The following TCOF1 variants were observed in gnomAD, a reference collection of about 807,000 sequenced individuals.
TCOF1 encodes the protein treacle ribosome biogenesis factor 1.
A neutral mutation model predicts 149.0 loss-of-function variants in TCOF1; 33 were observed. The ratio of observed to expected loss-of-function variants is 0.22; its 90% CI spans 0.17 to 0.30. The LOEUF (loss-of-function observed/expected upper bound fraction) is 0.30. Ranked by LOEUF, TCOF1 falls within the 10% of genes least tolerant of loss-of-function variation. TCOF1 has a pLI of 1.00. For synonymous variants in TCOF1, 789 were observed against 738.8 expected (o/e 1.07, Z -1.10); for missense variants, 1,728 against 1,840.7 (o/e 0.94, Z 1.12).
Position 150,375,460 on chromosome 5 carries a change from A to G in TCOF1, c.1610A>G (p.Gln537Arg), listed in dbSNP as rs761731188. 2.5e-6 allele frequency: 4 copies of G among 1,613,942 alleles called. No homozygotes were observed. The highest frequency in any genetic ancestry group is 1.7e-4 in the Middle Eastern group (1 of 6,040). Reference protein sequence around the residue: ...GKVGPATPSAQVGKWEEDSES... With the variant: ...GKVGPATPSARVGKWEEDSES... ...GTGGGGCCTGCAACCCCCTCAGCCC[A>G]GGTGGGGAAGTGGGAGGAGGACTCA... The change falls in exon 11 of 27, where the codon CAG (glutamine) becomes CGG (arginine). Residue 537 changes from glutamine (Q) to arginine (R), a missense_variant. Transcript: ENST00000643257.
chr5:150,367,178 G>A (rs1581060095), intron 3 of TCOF1, among the ~76,000 whole-genome samples: 1 of 151,930 alleles, frequency 6.6e-6, no homozygotes, highest in Admixed American at 6.5e-5. Context: ...GGTGGTGGAC[G>A]TCTGTAGTCC....
chr5:150,374,507 C>A, intron 8 of TCOF1, 110 bp from the exon 9 acceptor site: 1 of 1,570,860 alleles, frequency 6.4e-7, no homozygotes, highest in Non-Finnish European at 8.7e-7. Context: ...CCCCTTACTC[C>A]CCTCTCACTG....
At position 150,398,890 on chromosome 5, in the gene TCOF1, C is replaced by A. The variant is rs11744415; in HGVS notation, c.4444-132C>A. The A allele has an allele frequency of 0.071, 87,997 of 1,248,130 alleles. 3,442 individuals carry two copies. Among genetic ancestry groups the A allele is most frequent in the African/African-American group, 0.12 (8,271 of 67,574 alleles). 77.3% of individuals were successfully genotyped at this position (1,248,130 alleles called of 1,614,324 possible). A position where few individuals can be genotyped will look rare whatever the true frequency, so the allele number is the denominator to read the frequency against. ...TTTAGGAGAGCTGAACATCTGTTTG[C>A]CTCTGCCCTTGGAGGTCGCTGCAGA... On this transcript the variant is annotated intron_variant, in intron 25 of 26. Coordinates refer to ENST00000643257, the MANE Select transcript of TCOF1 (RefSeq NM_001371623.1).
intron 14 of TCOF1, among the ~76,000 whole-genome samples, chr5:150,377,626 T>C (rs1764123306): frequency 6.6e-6 from 1 of 152,210 alleles, no homozygotes; most frequent in Non-Finnish European, 1.5e-5. Context: ...CGTTGACTTG[T>C]GGGACCTCAG....
chr5:150,391,477 C>G, intron 19 of TCOF1, 67 bp from the exon 20 acceptor site: 1 of 1,398,170 alleles, frequency 7.2e-7, no homozygotes. Flanking sequence ...CAGCATCTGA[C>G]CAGGGTGTGG....
At chr5:150,366,299 T>G (rs1411797051) in intron 3 of TCOF1, among the ~76,000 whole-genome samples, 1 of 151,530 alleles carries the variant, frequency 6.6e-6, no homozygotes, top group Non-Finnish European at 1.5e-5. Flanking sequence ...TGCAGTGAGC[T>G]ATGAATGTGC....
chr5:150,384,091 A>G, intron 17 of TCOF1: 1 of 1,243,194 alleles, frequency 8.0e-7, no homozygotes, highest in East Asian at 3.5e-5. Flanking sequence ...CCTCCAGACC[A>G]GAGCGGTCTC....
intron 20 of TCOF1, 81 bp downstream of exon 20, chr5:150,391,738 C>T (rs1304254087): frequency 6.6e-6 from 9 of 1,356,784 alleles, no homozygotes; most frequent in Non-Finnish European, 9.3e-6. Context: ...CACCAGCACT[C>T]ATCTGCCCCA....
Position 150,386,588 on chromosome 5 carries a change from C to G in TCOF1, c.2860-1314C>G, listed in dbSNP as rs60307728. The stretch of plus-strand genomic sequence containing the variant: ...GGAGCCAGGTGTGCTAAGTCAGGCT[C>G]AGGGGGTAAACAGGATGGTGAAACA... On this transcript the variant is annotated intron_variant, in intron 17 of 26. Coordinates refer to ENST00000643257, the MANE Select transcript of TCOF1 (RefSeq NM_001371623.1). Among the ~76,000 whole-genome samples, 1,397 of 151,758 alleles carry G rather than the reference C, an allele frequency of 9.2e-3. 20 individuals are homozygous for G. Among genetic ancestry groups the G allele is most frequent in the African/African-American group, 0.031 (1,271 of 41,538 alleles).
At position 150,375,124 on chromosome 5, in the gene TCOF1, C is replaced by T; in HGVS notation, c.1449C>T (p.Asp483=). ...EDSRSSSEES[D]SDREALAAMN... is the part of the protein sequence containing the mutation. ...CAAGAAGCAGCAGCGAGGAGTCAGA[C>T]AGTGACAGAGAGGCACTGGCAGCCA... is the stretch of plus-strand genomic sequence containing the variant. Residue 483 remains aspartate, a synonymous_variant, in exon 10 of 27, where the codon GAC becomes GAT. Transcript: ENST00000643257. 4 of 1,613,318 alleles carry T rather than the reference C, an allele frequency of 2.5e-6. No homozygotes were observed. The highest frequency in any genetic ancestry group is 2.5e-6 in the Non-Finnish European group (3 of 1,179,800).
chr5:150,367,677 G>A (rs1458699792), intron 3 of TCOF1, 167 bp from the exon 4 acceptor site: 1 of 718,134 alleles, frequency 1.4e-6, no homozygotes, highest in Non-Finnish European at 2.5e-6. Flanking sequence ...GGACCTGGCT[G>A]ATGCATCACA....
chr5:150,376,941 G>C (rs1441142565), intron 14 of TCOF1, among the ~76,000 whole-genome samples: 1 of 152,242 alleles, frequency 6.6e-6, no homozygotes, highest in Non-Finnish European at 1.5e-5. Context: ...TCCTGTCTCT[G>C]TGGAGCATGG....
At chr5:150,392,900 C>A in intron 22 of TCOF1, 110 bp downstream of exon 22, 1 of 1,335,154 alleles carries the variant, frequency 7.5e-7, no homozygotes, top group Non-Finnish European at 1.0e-6. Flanking sequence ...CCTCTCTTCA[C>A]AGAGGCCTTG....
At chr5:150,397,949 G>A (rs1015824859) in intron 24 of TCOF1, among the ~76,000 whole-genome samples, 1 of 152,098 alleles carries the variant, frequency 6.6e-6, no homozygotes, top group African/African-American at 2.4e-5. Flanking sequence ...TTGAGACAGG[G>A]TCTTGCTCTG....
At chr5:150,381,280 CCTAACCT>C (rs1405226302) in intron 17 of TCOF1, among the ~76,000 whole-genome samples, 1 of 152,182 alleles carries the variant, frequency 6.6e-6, no homozygotes, top group African/African-American at 2.4e-5. Context: ...GCTCCCTAGC[CCTAACCT>C]CTGCCTTTGA....
intron 7 of TCOF1, among the ~76,000 whole-genome samples, chr5:150,373,103 C>G (rs1336470891): frequency 6.6e-6 from 1 of 151,980 alleles, no homozygotes; most frequent in African/African-American, 2.4e-5. Flanking sequence ...TTTTTTGAGA[C>G]AGAGTCTTGC....
intron 12 of TCOF1, 81 bp downstream of exon 12, chr5:150,375,990 A>G (rs1403016509): frequency 1.2e-6 from 2 of 1,613,830 alleles, no homozygotes; most frequent in Non-Finnish European, 1.7e-6. Flanking sequence ...GTGCTCCCTC[A>G]GGCAGAGCAT....
At chr5:150,370,604 C>G (rs1191104441) in intron 6 of TCOF1, among the ~76,000 whole-genome samples, 1 of 152,176 alleles carries the variant, frequency 6.6e-6, no homozygotes, top group African/African-American at 2.4e-5. Flanking sequence ...GGTCCATGTG[C>G]CTTGGCCTCC....
chr5:150,388,026 G>A lies in TCOF1; in HGVS notation c.2984G>A (p.Arg995Lys). The A allele has an allele frequency of 6.2e-7, 1 of 1,613,856 alleles. No individual in the cohort carries two copies. The highest frequency in any genetic ancestry group is 1.3e-5 in the African/African-American group (1 of 75,028). ...GCCCGAGCCTCGGAGAGCACAGCCA[G>A]GAGCTCCTCCTCCGAGAGCGAGGAT... is the stretch of plus-strand genomic sequence containing the variant. The part of the protein sequence containing the change: ...RKARASESTA[R>K]SSSSESEDED... The change falls in exon 18 of 27, where the codon AGG (arginine) becomes AAG (lysine). Residue 995 changes from arginine (R) to lysine (K), a missense_variant. Physicochemically the swap from Arg to Lys is conservative, Grantham distance 26. Transcript: ENST00000643257.
Sources: allele counts gnomAD v4.1 joint callset (sites outside exome capture counted in the v4.1 genomes callset), GRCh38; gene constraint gnomAD v4.1.1; transcripts MANE v1.5; gene names NCBI Gene and HGNC (gene_info 2026-07-23, HGNC 2026-07-21).